MYO1B: variants seen among roughly 807,000 people sequenced by gnomAD.
MYO1B encodes the protein myosin IB.
Under a neutral mutation model 159.7 loss-of-function variants are expected in MYO1B, and 72 were observed. The ratio of observed to expected loss-of-function variants is 0.45; its 90% CI spans 0.37 to 0.55. The LOEUF is 0.55. Ranked by LOEUF, MYO1B falls within the 20% of genes least tolerant of loss-of-function variation. The probability of loss-of-function intolerance (pLI) is 0.00; values close to 1 mark genes in which losing one functional copy is unlikely to be tolerated. For missense variants in MYO1B, 1,062 were observed against 1,364.8 expected (o/e 0.78, Z 3.50); for synonymous variants, 468 against 473.8 (o/e 0.99, Z 0.16).
intron 11 of MYO1B, among the ~76,000 whole-genome samples, chr2:191,368,927 T>C (rs1288069350): frequency 6.6e-6 from 1 of 152,170 alleles, no homozygotes; most frequent in African/African-American, 2.4e-5. Context: ...TGAGCTGAGA[T>C]TGTGCTACTG....
chr2:191,341,398 CT>C, intron 4 of MYO1B, 62 bp from the exon 5 acceptor site: 1 of 1,400,212 alleles, frequency 7.1e-7, no homozygotes, highest in Non-Finnish European at 1.0e-6. Context: ...ACATTTCCTC[CT>C]CCCCAAAAAG....
chr2:191,257,416 GTA>G (rs1477434735), intron 1 of MYO1B, among the ~76,000 whole-genome samples: 1 of 152,066 alleles, frequency 6.6e-6, no homozygotes, highest in Admixed American at 6.6e-5. Flanking sequence ...TGCCATTTTG[GTA>G]TATGTCAGAA....
At chr2:191,303,393 T>C (rs958509064) in intron 3 of MYO1B, among the ~76,000 whole-genome samples, 3 of 152,174 alleles carry the variant, frequency 2.0e-5, no homozygotes, top group Non-Finnish European at 4.4e-5. Flanking sequence ...TTTGGAATAG[T>C]TGAGCCCTTA....
chr2:191,360,529 T>C (rs570820465), intron 7 of MYO1B, 102 bp from the exon 8 acceptor site: 3 of 678,912 alleles, frequency 4.4e-6, no homozygotes, highest in South Asian at 4.5e-5. Context: ...TTTCATTTTA[T>C]TACTGCAGAA....
intron 1 of MYO1B, among the ~76,000 whole-genome samples, chr2:191,265,254 T>A (rs1023454940): frequency 1.3e-5 from 2 of 151,300 alleles, no homozygotes; most frequent in Admixed American, 1.3e-4. Flanking sequence ...TTTATGTGAG[T>A]GTCTTTGTTC....
chr2:191,261,355 T>TAATTTAG (rs1483527865), intron 1 of MYO1B, among the ~76,000 whole-genome samples: 8 of 152,264 alleles, frequency 5.3e-5, no homozygotes, highest in African/African-American at 1.9e-4. Flanking sequence ...TAGGAGTGGC[T>TAATTTAG]GAGATAAGTA....
At chr2:191,347,007 G>C (rs1323830349) in intron 6 of MYO1B, among the ~76,000 whole-genome samples, 1 of 152,088 alleles carries the variant, frequency 6.6e-6, no homozygotes, top group Non-Finnish European at 1.5e-5. Context: ...GTCTGATGGT[G>C]GTGTTTTGAA....
intron 3 of MYO1B, among the ~76,000 whole-genome samples, chr2:191,297,880 G>T (rs930932678): frequency 6.6e-6 from 1 of 152,178 alleles, no homozygotes; most frequent in Non-Finnish European, 1.5e-5. Flanking sequence ...CAGGGATGCT[G>T]CTAAGCACCC....
chr2:191,381,305 A>G (rs566061346), intron 13 of MYO1B, 157 bp from the exon 14 acceptor site: 72 of 700,918 alleles, frequency 1.0e-4, no homozygotes, highest in African/African-American at 9.6e-4. Flanking sequence ...AGTGCCTGCA[A>G]TGGGCAAGCG....
intron 7 of MYO1B, among the ~76,000 whole-genome samples, chr2:191,353,915 G>A (rs1455638737): frequency 8.5e-5 from 13 of 152,102 alleles, no homozygotes; most frequent in Non-Finnish European, 1.5e-5. Context: ...TGCTCTATAA[G>A]GATAGAGCCT....
chr2:191,347,331 T>C (rs1228702725), intron 6 of MYO1B, among the ~76,000 whole-genome samples: 1 of 152,258 alleles, frequency 6.6e-6, no homozygotes, highest in African/African-American at 2.4e-5. Context: ...TAAGTTGTTA[T>C]AACTGATTTG....
At chr2:191,385,830 A>G in intron 15 of MYO1B, 54 bp from the exon 16 acceptor site, 1 of 1,561,340 alleles carries the variant, frequency 6.4e-7, no homozygotes, top group Non-Finnish European at 8.8e-7. Context: ...AGGAATAATT[A>G]TTAAAACAAT....
intron 3 of MYO1B, among the ~76,000 whole-genome samples, chr2:191,307,276 A>G (rs563667461): frequency 4.0e-5 from 6 of 151,848 alleles, no homozygotes; most frequent in Admixed American, 2.0e-4. Context: ...CAACATTGCC[A>G]TGGCATTTGT....
chr2:191,304,969 A>C (rs1689560306), intron 3 of MYO1B, among the ~76,000 whole-genome samples: 2 of 152,216 alleles, frequency 1.3e-5, no homozygotes, highest in Non-Finnish European at 2.9e-5. Context: ...GGTTCTCAGC[A>C]AAACAGCTGC....
In MYO1B at chr2:191,328,808, A is replaced by G. The variant is rs568852475; in HGVS notation, c.252-1127A>G. ...TGGCCTTTATTTTTGTCTAAAAGAC[A>G]TTTGTCTTGCTCATTCATTCTTTAG... On this transcript the variant is annotated intron_variant, in intron 3 of 30. Coordinates refer to ENST00000392318, the MANE Select transcript of MYO1B (RefSeq NM_001130158.3). Among the ~76,000 whole-genome samples the G allele has an allele frequency of 9.9e-5, 15 of 152,204 alleles. No homozygotes were observed. The South Asian group carries it at 3.1e-3, about 32-fold the overall frequency.
At chr2:191,332,515 T>G (rs930046078) in intron 4 of MYO1B, among the ~76,000 whole-genome samples, 1 of 152,202 alleles carries the variant, frequency 6.6e-6, no homozygotes, top group African/African-American at 2.4e-5. Context: ...TCCTGATGCT[T>G]TCCCTTCCCT....
intron 4 of MYO1B, among the ~76,000 whole-genome samples, chr2:191,340,873 G>A (rs909092463): frequency 1.3e-5 from 2 of 151,862 alleles, no homozygotes; most frequent in African/African-American, 2.4e-5. Context: ...CTACAGGCAC[G>A]TGCCACCATG....
intron 22 of MYO1B, 90 bp from the exon 23 acceptor site, chr2:191,400,659 A>G (rs1027772057): frequency 1.2e-5 from 17 of 1,440,768 alleles, no homozygotes; most frequent in Admixed American, 5.8e-5. Flanking sequence ...GGTGGTGACT[A>G]GTGTCTCTCT....
At chr2:191,412,239 C>T (rs1216844362) in intron 27 of MYO1B, among the ~76,000 whole-genome samples, 1 of 152,180 alleles carries the variant, frequency 6.6e-6, no homozygotes, top group East Asian at 1.9e-4. Context: ...TGTCTGTATG[C>T]TTGCTTCAGC....
Sources: gnomAD v4.1 joint callset for allele counts (sites outside exome capture counted in the v4.1 genomes callset) on GRCh38, gnomAD v4.1.1 for gene constraint, MANE v1.5 for transcripts, NCBI Gene and HGNC (gene_info 2026-07-23, HGNC 2026-07-21) for gene names.